CREBBP: variants seen among roughly 807,000 people sequenced by gnomAD.
CREBBP encodes CREB-binding protein.
A neutral mutation model predicts 265.0 loss-of-function variants in CREBBP; 19 were observed. The ratio of observed to expected loss-of-function variants is 0.07; its 90% CI spans 0.05 to 0.11. The LOEUF (loss-of-function observed/expected upper bound fraction) is 0.11. Ranked by LOEUF, CREBBP falls within the 10% of genes least tolerant of loss-of-function variation. The pLI, the probability that CREBBP is intolerant of heterozygous loss-of-function variation, is 1.00. For missense variants in CREBBP, 2,525 were observed against 3,219.0 expected (o/e 0.78, Z 5.22); for synonymous variants, 1,457 against 1,223.7 (o/e 1.19, Z -3.98).
intron 2 of CREBBP, among the ~76,000 whole-genome samples, chr16:3,846,739 CT>C (rs2054675011): frequency 6.6e-6 from 1 of 152,180 alleles, no homozygotes; most frequent in African/African-American, 2.4e-5. Flanking sequence ...TAATGCTACT[CT>C]TTATGTCTGG....
intron 1 of CREBBP, among the ~76,000 whole-genome samples, chr16:3,853,150 T>C (rs2054888135): frequency 6.6e-6 from 1 of 152,070 alleles, no homozygotes; most frequent in Non-Finnish European, 1.5e-5. Context: ...AAACTAGGGG[T>C]AACAATGGCC....
chr16:3,805,473 G>A (rs2053810303), intron 3 of CREBBP, among the ~76,000 whole-genome samples: 2 of 152,210 alleles, frequency 1.3e-5, no homozygotes, highest in Non-Finnish European at 2.9e-5. Context: ...AGTGAAAGGA[G>A]CTTGTGTATA....
intron 3 of CREBBP, among the ~76,000 whole-genome samples, chr16:3,805,591 G>C (rs1379003653): frequency 1.3e-5 from 2 of 152,180 alleles, no homozygotes. Context: ...ACCCTATGCA[G>C]CCAGTTTAAG....
intron 28 of CREBBP, among the ~76,000 whole-genome samples, chr16:3,733,905 G>A (rs926934189): frequency 6.6e-6 from 1 of 152,156 alleles, no homozygotes; most frequent in Non-Finnish European, 1.5e-5. Context: ...GCCTCTCAAA[G>A]TGCTGGGATT....
intron 5 of CREBBP, among the ~76,000 whole-genome samples, chr16:3,785,082 A>G (rs141451750): frequency 1.9e-3 from 290 of 152,356 alleles, no homozygotes; most frequent in African/African-American, 6.9e-3. Context: ...ATGCTATTAC[A>G]TGAAATGACA....
intron 23 of CREBBP, chr16:3,741,341 G>A (rs1054123467): frequency 1.3e-5 from 2 of 152,228 alleles, no homozygotes; most frequent in African/African-American, 2.4e-5. Context: ...CTTCTTTGCT[G>A]GCTTTTAAAT....
At chr16:3,765,766 A>C (rs2052836281) in intron 16 of CREBBP, among the ~76,000 whole-genome samples, 2 of 151,974 alleles carry the variant, frequency 1.3e-5, no homozygotes, top group Admixed American at 1.3e-4. Flanking sequence ...TCCCACCTCA[A>C]CCTCTCGAGT....
rs538929857 is a variant in CREBBP, at chr16:3,732,269, C to T, written c.4729-332G>A. 1.3e-4 allele frequency among the ~76,000 whole-genome samples: 20 copies of T among 152,326 alleles called. No homozygotes were observed. In the South Asian group the frequency reaches 3.7e-3, roughly 28 times the overall value. ...CCACAACCAGATGCGGAAGATTCCA[C>T]GTCACAACTGTGGTCAGCAGCTGTC... On this transcript the variant is annotated intron_variant, in intron 28 of 30. Transcript: ENST00000262367.
At chr16:3,835,666 G>A (rs1201792401) in intron 2 of CREBBP, among the ~76,000 whole-genome samples, 1 of 141,160 alleles carries the variant, frequency 7.1e-6, no homozygotes, top group Non-Finnish European at 1.5e-5. Flanking sequence ...TGCAAGCTCC[G>A]CCTCCCAGGT....
intron 1 of CREBBP, among the ~76,000 whole-genome samples, chr16:3,851,592 A>C (rs2540037): frequency 1 from 152,015 of 152,034 alleles, 75,998 homozygotes; most frequent in Middle Eastern, 1. Context: ...TGGTGGCTCA[A>C]GCCTGTAATC....
At chr16:3,818,179 T>C (rs1270933390) in intron 2 of CREBBP, among the ~76,000 whole-genome samples, 1 of 151,286 alleles carries the variant, frequency 6.6e-6, no homozygotes, top group Non-Finnish European at 1.5e-5. Context: ...ATGTGACCAA[T>C]GGGGGGCCGG....
At chr16:3,871,288 G>T (rs1031641931) in intron 1 of CREBBP, among the ~76,000 whole-genome samples, 7 of 151,816 alleles carry the variant, frequency 4.6e-5, no homozygotes, top group African/African-American at 1.7e-4. Context: ...CAGCGCTGCC[G>T]AGCTGGGAGC....
At chr16:3,745,431 C>A in intron 21 of CREBBP, 77 bp from the exon 22 acceptor site, 1 of 1,287,030 alleles carries the variant, frequency 7.8e-7, no homozygotes, top group Non-Finnish European at 1.1e-6. Flanking sequence ...TCTGTGTGTG[C>A]GTCCACACCT....
chr16:3,747,093 C>G (rs151198438), intron 21 of CREBBP, among the ~76,000 whole-genome samples: 1 of 152,078 alleles, frequency 6.6e-6, no homozygotes, highest in African/African-American at 2.4e-5. Context: ...AGCAAGCCCC[C>G]CTGCCTGGCT....
At chr16:3,824,791 G>A (rs551457718) in intron 2 of CREBBP, among the ~76,000 whole-genome samples, 1 of 152,312 alleles carries the variant, frequency 6.6e-6, no homozygotes, top group South Asian at 2.1e-4. Context: ...AAATGTGCCA[G>A]GTTTTTAGGG....
intron 3 of CREBBP, among the ~76,000 whole-genome samples, chr16:3,798,329 T>TA (rs2053647432): frequency 6.6e-6 from 1 of 152,204 alleles, no homozygotes; most frequent in Non-Finnish European, 1.5e-5. Flanking sequence ...ACTGATTTCA[T>TA]AAAAAATTAA....
chr16:3,791,649 T>C lies in CREBBP; in HGVS notation c.1330+332A>G, dbSNP rs2053510134. ...GACATGGAATTTAAATTCTCACGTA[T>C]GGAGTAACTGTCAGGAAATACCATG... On this transcript the variant is annotated intron_variant, in intron 5 of 30. Coordinates refer to ENST00000262367, the MANE Select transcript of CREBBP (RefSeq NM_004380.3). Among the ~76,000 whole-genome samples, 4 of 152,228 alleles carry C rather than the reference T, an allele frequency of 2.6e-5. No homozygotes were observed. In the South Asian group the frequency reaches 6.2e-4, roughly 24 times the overall value.
chr16:3,803,660 G>C (rs1036703274), intron 3 of CREBBP, among the ~76,000 whole-genome samples: 6 of 152,154 alleles, frequency 3.9e-5, no homozygotes, highest in Non-Finnish European at 1.5e-5. Context: ...CTCAGGGTAA[G>C]AAATGTGGCC....
intron 2 of CREBBP, among the ~76,000 whole-genome samples, chr16:3,816,453 A>G (rs1051632954): frequency 3.3e-5 from 5 of 152,204 alleles, no homozygotes; most frequent in Admixed American, 1.3e-4. Flanking sequence ...GTGAGCTCTG[A>G]TGAGGAAATT....
Sources: allele counts gnomAD v4.1 joint callset (sites outside exome capture counted in the v4.1 genomes callset), GRCh38; gene constraint gnomAD v4.1.1; transcripts MANE v1.5; gene names NCBI Gene and HGNC (gene_info 2026-07-23, HGNC 2026-07-21).